Variants in GUCY1B1 observed in about 807,000 individuals in gnomAD.
The protein encoded by GUCY1B1 is guanylate cyclase soluble subunit beta-1.
In GUCY1B1, 43 loss-of-function variants were observed where a neutral mutation model predicts 71.0. The ratio of observed to expected loss-of-function variants is 0.61; its 90% CI spans 0.47 to 0.78. The LOEUF is 0.78. GUCY1B1 is among the 30% of genes least tolerant of loss of function. The pLI is 0.00. For synonymous variants in GUCY1B1, 266 were observed against 259.7 expected (o/e 1.02, Z -0.23); for missense variants, 535 against 754.1 (o/e 0.71, Z 3.40).
rs749180742 is a variant in GUCY1B1 at position 155,802,520 on chromosome 4, G to A, written c.1354G>A (p.Asp452Asn). ...GAMKIVNLLN[D>N]LYTRFDTLTD... ...CATGAAGATCGTCAACCTCCTCAAC[G>A]ACCTCTACACCAGATTTGACACACT... Residue 452 changes from aspartate (D) to asparagine (N), a missense_variant, in exon 10 of 14, where the codon GAC (aspartate) becomes AAC (asparagine). Coordinates refer to ENST00000264424, the MANE Select transcript of GUCY1B1 (RefSeq NM_000857.5). The surrounding 1 kb of genome is among the most constrained non-coding windows in gnomAD (Gnocchi z 4.3). 4.3e-6 allele frequency: 7 copies of A among 1,613,084 alleles called. No individual in the cohort carries two copies. Among genetic ancestry groups the A allele is most frequent in the Admixed American group, 3.3e-5 (2 of 59,918 alleles).
chr4:155,781,015 A>T (rs1024700238), intron 4 of GUCY1B1, among the ~76,000 whole-genome samples: 1 of 152,152 alleles, frequency 6.6e-6, no homozygotes, highest in African/African-American at 2.4e-5. Context: ...AGCAAGCAGA[A>T]TTTCCTTGGA....
Position 155,783,905 on chromosome 4 carries a change from G to A in GUCY1B1, c.298-5809G>A, listed in dbSNP as rs554789256. Among the ~76,000 whole-genome samples, 221 of 152,200 alleles carry A rather than the reference G, an allele frequency of 1.5e-3. 1 individual carries two copies. The highest frequency in any genetic ancestry group is 4.0e-3 in the Admixed American group (61 of 15,270). ...TTTCTATAATCCAATAATAAAAATAGTTTTATTTTTTAAAAACTTATGAAG... is the reference window on the plus strand; with the variant it reads ...TTTCTATAATCCAATAATAAAAATAATTTTATTTTTTAAAAACTTATGAAG... On this transcript the variant is annotated intron_variant, in intron 4 of 13. Transcript: ENST00000264424.
intron 2 of GUCY1B1, among the ~76,000 whole-genome samples, chr4:155,768,871 T>G (rs1224742190): frequency 6.6e-6 from 1 of 152,182 alleles, no homozygotes; most frequent in East Asian, 1.9e-4. Context: ...CGATCTTTAT[T>G]TTTAAAGCCC....
chr4:155,799,751 T>C, intron 8 of GUCY1B1, 126 bp from the exon 9 acceptor site: 1 of 547,318 alleles, frequency 1.8e-6, no homozygotes, highest in Non-Finnish European at 3.3e-6. Flanking sequence ...TCCATAATTC[T>C]ATTGTCTTCA....
intron 10 of GUCY1B1, among the ~76,000 whole-genome samples, chr4:155,803,259 A>G (rs1740082934): frequency 6.6e-6 from 1 of 152,344 alleles, no homozygotes; most frequent in African/African-American, 2.4e-5. Context: ...AAATCACTGA[A>G]CTTGAAATGG....
At chr4:155,795,282 C>T in intron 6 of GUCY1B1, 59 bp from the exon 7 acceptor site, 1 of 792,478 alleles carries the variant, frequency 1.3e-6, no homozygotes, top group East Asian at 2.5e-5. Context: ...CGATTAATAT[C>T]AAAGTATAAA....
chr4:155,780,830 A>T (rs1490580270), intron 4 of GUCY1B1, among the ~76,000 whole-genome samples: 7 of 152,222 alleles, frequency 4.6e-5, no homozygotes, highest in Non-Finnish European at 1.0e-4. Context: ...ATCCTAAATT[A>T]CTGTTTATTA....
In GUCY1B1 at chr4:155,802,100, G is replaced by A. The variant is rs116824735; in HGVS notation, c.1176-242G>A. On this transcript the variant is annotated intron_variant, in intron 9 of 13. Transcript: ENST00000264424. The surrounding 1 kb of genome is among the most constrained non-coding windows in gnomAD (Gnocchi z 4.3). ...TGTTTGCTTGGCTTATTTTGATTTGGTTTGAACTAGTTTGGGCTTGCGGAT... is the reference window on the plus strand; with the variant it reads ...TGTTTGCTTGGCTTATTTTGATTTGATTTGAACTAGTTTGGGCTTGCGGAT... 0.017 allele frequency: 12,828 copies of A among 769,878 alleles called. 134 individuals carry two copies. The highest frequency in any genetic ancestry group is 0.021 in the Non-Finnish European group (10,609 of 498,058). 47.7% of individuals were successfully genotyped at this position (769,878 alleles called of 1,614,324 possible).
chr4:155,778,515 CTT>C (rs1479426828), intron 4 of GUCY1B1, among the ~76,000 whole-genome samples: 1 of 152,220 alleles, frequency 6.6e-6, no homozygotes, highest in Non-Finnish European at 1.5e-5. Context: ...ATGTAAACTA[CTT>C]TCAATCCAGC....
At chr4:155,786,332 G>T (rs1738767207) in intron 4 of GUCY1B1, among the ~76,000 whole-genome samples, 3 of 144,328 alleles carry the variant, frequency 2.1e-5, no homozygotes, top group East Asian at 2.0e-4. Context: ...GGAGTGCAGT[G>T]GTGAGATCTG....
chr4:155,777,537 A>G lies in GUCY1B1; in HGVS notation c.192A>G (p.Gly64=), dbSNP rs1219328019. Residue 64 remains glycine, a synonymous_variant, in exon 4 of 14, where the codon GGA becomes GGG. Coordinates refer to ENST00000264424, the MANE Select transcript of GUCY1B1 (RefSeq NM_000857.5). ...AASKVLNLNA[G]EILQMFGKMF... ...TTTGTAAAATAGATCTCAATGCTGG[A>G]GAAATCCTCCAAATGTTTGGGAAGA... 1 of 1,586,254 alleles carries G rather than the reference A, an allele frequency of 6.3e-7. No individual in the cohort carries two copies. Among genetic ancestry groups the G allele is most frequent in the Admixed American group, 1.7e-5 (1 of 59,982 alleles).
intron 13 of GUCY1B1, among the ~76,000 whole-genome samples, 184 bp from the exon 14 acceptor site, chr4:155,806,202 C>T (rs760087655): frequency 6.6e-6 from 1 of 152,136 alleles, no homozygotes; most frequent in Non-Finnish European, 1.5e-5. Flanking sequence ...GCCGTAATTA[C>T]CTCAAACATT....
Position 155,793,892 on chromosome 4 carries a change from C to A in GUCY1B1, c.532C>A (p.Gln178Lys), listed in dbSNP as rs1261892259. Residue 178 changes from glutamine (Q) to lysine (K), a missense_variant, in exon 6 of 14, where the codon CAA (glutamine) becomes AAA (lysine). Physicochemically the swap from Gln to Lys is moderately conservative, Grantham distance 53. Transcript: ENST00000264424. Reference protein sequence around the residue: ...QQRNEECDHTQFLIEEKESKE... With the variant: ...QQRNEECDHTKFLIEEKESKE... ...AAGAAATGAAGAATGTGATCATACT[C>A]AATTTTTAATTGAAGAAAAAGAGTC... is the stretch of plus-strand genomic sequence containing the variant. The A allele has an allele frequency of 1.9e-6, 3 of 1,563,772 alleles. No individual in the cohort carries two copies. Among genetic ancestry groups the A allele is most frequent in the South Asian group, 1.1e-5 (1 of 89,916 alleles).
chr4:155,767,249 G>A (rs552138004), intron 2 of GUCY1B1, among the ~76,000 whole-genome samples: 1 of 152,264 alleles, frequency 6.6e-6, no homozygotes, highest in East Asian at 1.9e-4. Flanking sequence ...TTCTTGGAAT[G>A]TTCAAGCATG....
intron 6 of GUCY1B1, 63 bp from the exon 7 acceptor site, chr4:155,795,278 A>T (rs1340650940): frequency 1.3e-6 from 1 of 764,702 alleles, no homozygotes; most frequent in Non-Finnish European, 2.2e-6. Context: ...CAAGCGATTA[A>T]TATCAAAGTA....
intron 3 of GUCY1B1, among the ~76,000 whole-genome samples, chr4:155,776,594 C>T (rs1013368437): frequency 7.9e-5 from 12 of 151,780 alleles, no homozygotes; most frequent in African/African-American, 1.9e-4. Flanking sequence ...GGCCTGAACC[C>T]GGGAGGTGGA....
At chr4:155,770,766 C>T (rs755645222) in intron 2 of GUCY1B1, among the ~76,000 whole-genome samples, 3 of 151,824 alleles carry the variant, frequency 2.0e-5, no homozygotes, top group Non-Finnish European at 4.4e-5. Flanking sequence ...CAAGTCCTTG[C>T]TCCGGCGTCA....
intron 5 of GUCY1B1, among the ~76,000 whole-genome samples, chr4:155,791,779 C>CA (rs10669957): frequency 0.03 from 4,328 of 144,418 alleles, 92 homozygotes; most frequent in Middle Eastern, 0.074. Context: ...AAACGAAAAA[C>CA]AAAAAAAAAC....
At position 155,761,306 on chromosome 4, in the gene GUCY1B1, C is replaced by T. The variant is rs367564660; in HGVS notation, c.77+1446C>T. Among the ~76,000 whole-genome samples the T allele has an allele frequency of 9.0e-4, 137 of 152,150 alleles. 1 individual carries two copies. The highest frequency in any genetic ancestry group is 3.2e-3 in the African/African-American group (132 of 41,514). On this transcript the variant is annotated intron_variant, in intron 2 of 13. Coordinates refer to ENST00000264424, the MANE Select transcript of GUCY1B1 (RefSeq NM_000857.5). ...GATTGTTAACAGTATAACTTAACTA[C>T]CGAATTATTTTTAAGCCACTTCCTT...
Sources: gnomAD v4.1 joint callset for allele counts (sites outside exome capture counted in the v4.1 genomes callset) on GRCh38, gnomAD v4.1.1 for gene constraint, Gnocchi (gnomAD v3.1) non-coding constraint, MANE v1.5 for transcripts, NCBI Gene and HGNC (gene_info 2026-07-23, HGNC 2026-07-21) for gene names.